Variants in PRTFDC1 observed in about 807,000 individuals in gnomAD.
PRTFDC1 encodes phosphoribosyl transferase domain containing 1, also known as phosphoribosyltransferase domain-containing protein 1.
Under a neutral mutation model 34.6 loss-of-function variants are expected in PRTFDC1, and 38 were observed. The ratio of observed to expected loss-of-function variants is 1.10; its 90% CI spans 0.85 to 1.44. PRTFDC1 has a LOEUF of 1.44. Ranked by LOEUF, PRTFDC1 falls within the 40% of genes most tolerant of loss-of-function variation. PRTFDC1 has a pLI of 0.00. For missense variants in PRTFDC1, 270 were observed against 283.0 expected (o/e 0.95, Z 0.33); for synonymous variants, 93 against 98.1 (o/e 0.95, Z 0.31).
intron 3 of PRTFDC1, among the ~76,000 whole-genome samples, chr10:24,915,619 G>T (rs1848682985): frequency 6.6e-6 from 1 of 152,176 alleles, no homozygotes; most frequent in Non-Finnish European, 1.5e-5. Flanking sequence ...CCCTTATCAA[G>T]GTCAACAACA....
At chr10:24,920,361 A>G (rs1162277891) in intron 3 of PRTFDC1, among the ~76,000 whole-genome samples, 1 of 152,030 alleles carries the variant, frequency 6.6e-6, no homozygotes, top group Non-Finnish European at 1.5e-5. Context: ...CATCAAAAGG[A>G]AGGAGATCAT....
At chr10:24,879,778 G>T (rs1848034206) in intron 3 of PRTFDC1, among the ~76,000 whole-genome samples, 1 of 152,192 alleles carries the variant, frequency 6.6e-6, no homozygotes, top group Non-Finnish European at 1.5e-5. Context: ...GGCAAGGACT[G>T]CAATTACTTT....
At chr10:24,872,700 TACACAAAATATATATA>T (rs1847892007) in intron 3 of PRTFDC1, among the ~76,000 whole-genome samples, 1 of 142,064 alleles carries the variant, frequency 7.0e-6, no homozygotes, top group Admixed American at 7.3e-5. Flanking sequence ...TATATATATA[TACACAAAATATATATA>T]ATACACAAAA....
chr10:24,908,369 A>G (rs2132563680), intron 3 of PRTFDC1: 1 of 1,203,252 alleles, frequency 8.3e-7, no homozygotes, highest in Middle Eastern at 2.4e-4. Context: ...CATAACCTCA[A>G]GCAAGAAGAA....
At chr10:24,872,202 G>C in intron 3 of PRTFDC1, 139 bp from the exon 4 acceptor site, 1 of 705,628 alleles carries the variant, frequency 1.4e-6, no homozygotes, top group Non-Finnish European at 2.4e-6. Context: ...ATTCATGGTT[G>C]CCTATGGTTA....
At chr10:24,912,268 CAAAAA>C (rs58294462) in intron 3 of PRTFDC1, among the ~76,000 whole-genome samples, 10,901 of 53,096 alleles carry the variant, frequency 0.21, 219 homozygotes, top group African/African-American at 0.35. Context: ...GACTTCATCT[CAAAAA>C]AAAAAAAAAA....
chr10:24,904,341 C>T (rs575532430), intron 3 of PRTFDC1, among the ~76,000 whole-genome samples: 40 of 151,950 alleles, frequency 2.6e-4, no homozygotes, highest in African/African-American at 9.7e-4. Context: ...CTGACAAAAG[C>T]TAGTCTGTGG....
At chr10:24,890,562 G>A (rs564735879) in intron 3 of PRTFDC1, among the ~76,000 whole-genome samples, 2 of 152,306 alleles carry the variant, frequency 1.3e-5, no homozygotes, top group African/African-American at 4.8e-5. Flanking sequence ...TGGCTGATGA[G>A]CATGAGAGCT....
chr10:24,929,057 AAAGAAAGAAAGAAAG>A lies in PRTFDC1; in HGVS notation c.339+8112_339+8126del, dbSNP rs1421439167. ...CTCCGTCTCAAAAAAAAAAAAAAAG[AAAGAAAGAAAGAAAG>A]AAAGGGAGGCTTTCAATTCCAGGCA... On this transcript the variant is annotated intron_variant, in intron 3 of 8. Transcript: ENST00000320152. 7.1e-5 allele frequency among the ~76,000 whole-genome samples: 6 copies of A among 84,058 alleles called. 1 individual carries two copies. Among genetic ancestry groups the A allele is most frequent in the African/African-American group, 3.0e-4 (6 of 20,192 alleles). The allele number at this position is 84,058 out of a possible 152,430, so 55.1% of individuals were successfully genotyped here.
intron 3 of PRTFDC1, among the ~76,000 whole-genome samples, chr10:24,894,059 G>A (rs112056314): frequency 0.077 from 11,710 of 152,244 alleles, 564 homozygotes; most frequent in Middle Eastern, 0.19. Context: ...TTGGCCGGGC[G>A]CGGTGGCTCA....
At chr10:24,938,400 C>T (rs1849089559) in intron 2 of PRTFDC1, among the ~76,000 whole-genome samples, 1 of 152,108 alleles carries the variant, frequency 6.6e-6, no homozygotes, top group African/African-American at 2.4e-5. Context: ...TTCTGAAAAC[C>T]CTGAACACTG....
chr10:24,858,204 G>A (rs576219863), intron 5 of PRTFDC1, among the ~76,000 whole-genome samples, 188 bp downstream of exon 5: 2 of 152,270 alleles, frequency 1.3e-5, no homozygotes, highest in Non-Finnish European at 2.9e-5. Flanking sequence ...AAATACTGTT[G>A]CAAAGCTTTT....
intron 3 of PRTFDC1, among the ~76,000 whole-genome samples, chr10:24,911,701 A>C (rs1302302440): frequency 6.6e-6 from 1 of 151,522 alleles, no homozygotes; most frequent in African/African-American, 2.4e-5. Context: ...CCCTGTCTCT[A>C]CTAAAAATAC....
At chr10:24,871,962 C>T in intron 4 of PRTFDC1, 36 bp downstream of exon 4, 1 of 1,565,650 alleles carries the variant, frequency 6.4e-7, no homozygotes, top group Non-Finnish European at 8.8e-7. Context: ...TGCCCCCAGA[C>T]CTCAATGCGG....
At position 24,941,038 on chromosome 10, in the gene PRTFDC1, G is replaced by T. The variant is rs546057977; in HGVS notation, c.155+1292C>A. Among the ~76,000 whole-genome samples the T allele has an allele frequency of 2.5e-3, 115 of 46,492 alleles. 2 individuals carry two copies. The East Asian group carries it at 0.054, about 22-fold the overall frequency. The allele number at this position is 46,492 out of a possible 152,430, so 30.5% of individuals were successfully genotyped here. ...GTGCAGTAGTATATAAATTAATCTT[G>T]TGTGTGTGTGTGTGTGTGTGTGTTT... On this transcript the variant is annotated intron_variant, in intron 2 of 8. Transcript: ENST00000320152.
At chr10:24,879,599 C>T (rs1435444593) in intron 3 of PRTFDC1, among the ~76,000 whole-genome samples, 21 of 152,064 alleles carry the variant, frequency 1.4e-4, no homozygotes. Context: ...CTGCCCGCCT[C>T]GGCCTCCCAA....
intron 3 of PRTFDC1, among the ~76,000 whole-genome samples, chr10:24,875,819 C>A (rs1436356634): frequency 1.3e-5 from 2 of 150,744 alleles, no homozygotes; most frequent in African/African-American, 4.9e-5. Context: ...TTTCCAACAC[C>A]CAAATCATAT....
At chr10:24,893,663 T>G (rs1848301382) in intron 3 of PRTFDC1, among the ~76,000 whole-genome samples, 1 of 152,200 alleles carries the variant, frequency 6.6e-6, no homozygotes. Context: ...GTAATAATAA[T>G]AGCTAGTCTA....
intron 6 of PRTFDC1, 125 bp downstream of exon 6, chr10:24,856,788 C>T (rs1847585053): frequency 7.0e-6 from 6 of 852,542 alleles, no homozygotes; most frequent in Non-Finnish European, 1.2e-5. Flanking sequence ...AGCTGTAATA[C>T]CCCAGGGGAA....
Sources: allele counts gnomAD v4.1 joint callset (sites outside exome capture counted in the v4.1 genomes callset), GRCh38; gene constraint gnomAD v4.1.1; transcripts MANE v1.5; gene names NCBI Gene and HGNC (gene_info 2026-07-23, HGNC 2026-07-21).